The following USP15 variants were observed in gnomAD, a reference collection of about 807,000 sequenced individuals.
USP15 encodes the protein ubiquitin specific peptidase 15, also known as ubiquitin carboxyl-terminal hydrolase 15.
A neutral mutation model predicts 127.1 loss-of-function variants in USP15; 18 were observed. The observed-to-expected ratio is 0.14, with a 90% confidence interval of 0.10 to 0.21. USP15 has a LOEUF of 0.21. Ranked by LOEUF, USP15 falls within the 10% of genes least tolerant of loss-of-function variation. The pLI, the probability that USP15 is intolerant of heterozygous loss-of-function variation, is 1.00. For missense variants in USP15, 805 were observed against 1,159.9 expected, an observed-to-expected ratio of 0.69 and a Z score of 4.44; for synonymous variants, 364 against 393.7, an observed-to-expected ratio of 0.92 and a Z score of 0.89.
intron 6 of USP15, among the ~76,000 whole-genome samples, chr12:62,328,875 A>G (rs1213815376): frequency 6.6e-6 from 1 of 152,228 alleles, no homozygotes; most frequent in Non-Finnish European, 1.5e-5. Context: ...ATTCATGTAT[A>G]TTTGACAACT....
At chr12:62,301,194 G>C (rs998399348) in intron 2 of USP15, among the ~76,000 whole-genome samples, 1 of 152,066 alleles carries the variant, frequency 6.6e-6, no homozygotes, top group Non-Finnish European at 1.5e-5. Context: ...ACCAAGTGTT[G>C]GCAAGATTGT....
chr12:62,399,640 G>A (rs946562820), intron 20 of USP15, among the ~76,000 whole-genome samples: 34 of 151,832 alleles, frequency 2.2e-4, no homozygotes, highest in African/African-American at 7.7e-4. Context: ...TTTTTTGTTA[G>A]TTCCTTTGAC....
chr12:62,288,819 A>G (rs2063861526), intron 1 of USP15, among the ~76,000 whole-genome samples: 1 of 152,042 alleles, frequency 6.6e-6, no homozygotes, highest in African/African-American at 2.4e-5. Flanking sequence ...ATTTTACCAG[A>G]TGCTGTTTTT....
chr12:62,415,934 G>C lies in USP15; in HGVS notation c.*11559G>C, dbSNP rs1039175555. 1 of 152,168 alleles carries C rather than the reference G, an allele frequency of 6.6e-6. No homozygotes were observed. The highest frequency in any genetic ancestry group is 1.5e-5 in the Non-Finnish European group (1 of 68,040). The allele number at this position is 152,168 out of a possible 1,614,324, so 9.4% of individuals were successfully genotyped here. A position where few individuals can be genotyped will look rare whatever the true frequency, so the allele number is the denominator to read the frequency against. ...ATGATTGTTCCTTCCTTATGAATGA[G>C]AGCAGCTCTCTGTTCAATACGATTC... On this transcript the variant is annotated 3_prime_UTR_variant, in exon 22 of 22. Coordinates refer to ENST00000280377, the MANE Select transcript of USP15 (RefSeq NM_001252078.2).
intron 8 of USP15, among the ~76,000 whole-genome samples, chr12:62,372,672 A>G (rs2066712739): frequency 6.6e-6 from 1 of 152,148 alleles, no homozygotes; most frequent in African/African-American, 2.4e-5. Flanking sequence ...GGGACTGAAC[A>G]CATACAAAAT....
chr12:62,289,697 TTGTGTGTG>T (rs71450579), intron 1 of USP15, among the ~76,000 whole-genome samples: 90 of 135,496 alleles, frequency 6.6e-4, no homozygotes, highest in Admixed American at 3.3e-3. Flanking sequence ...GGTTGTTAAT[TTGTGTGTG>T]TGTGTGTGTG....
At chr12:62,378,755 A>G (rs530743368) in intron 8 of USP15, among the ~76,000 whole-genome samples, 76 of 152,312 alleles carry the variant, frequency 5.0e-4, no homozygotes, top group Middle Eastern at 6.8e-3. Context: ...GTACTTGAAG[A>G]TATTTTTGAG....
chr12:62,316,063 T>A (rs1199363416), intron 4 of USP15, among the ~76,000 whole-genome samples: 1 of 152,072 alleles, frequency 6.6e-6, no homozygotes, highest in Admixed American at 6.6e-5. Context: ...GGCGGGTGGA[T>A]CGCCTGAAGT....
intron 6 of USP15, among the ~76,000 whole-genome samples, chr12:62,328,085 T>C (rs2065184230): frequency 6.6e-6 from 1 of 152,180 alleles, no homozygotes; most frequent in South Asian, 2.1e-4. Flanking sequence ...TGAGAAATTT[T>C]GAGCACAATT....
intron 18 of USP15, 131 bp from the exon 19 acceptor site, chr12:62,392,922 G>C (rs2067369141): frequency 3.3e-6 from 3 of 921,592 alleles, no homozygotes; most frequent in East Asian, 5.4e-5. Flanking sequence ...TTTCAACCTG[G>C]TACATATTAG....
chr12:62,398,935 T>C (rs527520250), intron 20 of USP15, among the ~76,000 whole-genome samples: 1 of 152,262 alleles, frequency 6.6e-6, no homozygotes, highest in Non-Finnish European at 1.5e-5. Context: ...TGCATAATTA[T>C]ACTTATGTTC....
intron 10 of USP15, 37 bp from the exon 11 acceptor site, chr12:62,384,041 G>A: frequency 6.2e-7 from 1 of 1,610,148 alleles, no homozygotes; most frequent in Non-Finnish European, 8.5e-7. Context: ...ATAATTTTGT[G>A]ATACCTCTTT....
chr12:62,383,795 AACCCTGTTCCTAG>A (rs1314501181), intron 9 of USP15, 32 bp from the exon 10 acceptor site: 5 of 1,574,462 alleles, frequency 3.2e-6, no homozygotes, highest in Admixed American at 1.9e-5. Context: ...TTTAAAAATC[AACCCTGTTCCTAG>A]AACTGATTTG....
intron 16 of USP15, 124 bp downstream of exon 16, chr12:62,391,553 T>G: frequency 7.8e-7 from 1 of 1,284,864 alleles, no homozygotes. Context: ...ATCTCAAATT[T>G]TACATGAAAG....
intron 20 of USP15, among the ~76,000 whole-genome samples, chr12:62,400,295 G>T (rs2067641037): frequency 6.6e-6 from 1 of 152,104 alleles, no homozygotes; most frequent in African/African-American, 2.4e-5. Context: ...CTTTGTATCA[G>T]TGGATACCAC....
At chr12:62,360,143 G>A (rs551431110) in intron 8 of USP15, among the ~76,000 whole-genome samples, 5 of 152,148 alleles carry the variant, frequency 3.3e-5, no homozygotes, top group African/African-American at 1.2e-4. Flanking sequence ...GAGTAATGTG[G>A]TCTTTTCCAT....
At chr12:62,370,078 G>A (rs1251404538) in intron 8 of USP15, among the ~76,000 whole-genome samples, 2 of 152,068 alleles carry the variant, frequency 1.3e-5, no homozygotes, top group Non-Finnish European at 2.9e-5. Context: ...GGGTTCAAGC[G>A]ATTCTCCTGC....
chr12:62,274,134 A>G (rs2063412622), intron 1 of USP15: 1 of 152,048 alleles, frequency 6.6e-6, no homozygotes, highest in South Asian at 2.1e-4. Context: ...GACTTTGTGT[A>G]CCCACCGAGT....
chr12:62,373,060 T>C (rs116401822), intron 8 of USP15, among the ~76,000 whole-genome samples: 47 of 152,210 alleles, frequency 3.1e-4, no homozygotes, highest in African/African-American at 1.1e-3. Context: ...TGTCCTAGTC[T>C]TCTAGCCTTT....
Sources: allele counts gnomAD v4.1 joint callset (sites outside exome capture counted in the v4.1 genomes callset), GRCh38; gene constraint gnomAD v4.1.1; transcripts MANE v1.5; gene names NCBI Gene and HGNC (gene_info 2026-07-23, HGNC 2026-07-21).